GAS7: variants seen among roughly 807,000 people sequenced by gnomAD.
The protein encoded by GAS7 is growth arrest-specific protein 7.
Under a neutral mutation model 71.1 loss-of-function variants are expected in GAS7, and 28 were observed. That is an observed-to-expected ratio of 0.39 (90% CI 0.29 to 0.54). The LOEUF (loss-of-function observed/expected upper bound fraction) is 0.54. Among genes scored for constraint, GAS7 ranks in the 20% least tolerant of loss-of-function variants. The pLI, the probability that GAS7 is intolerant of heterozygous loss-of-function variation, is 0.62. For missense variants in GAS7, 436 were observed against 627.8 expected, an observed-to-expected ratio of 0.69 and a Z score of 3.27; for synonymous variants, 258 against 245.8, an observed-to-expected ratio of 1.05 and a Z score of -0.46.
Position 10,162,066 on chromosome 17 carries a change from C to CAAAAA in GAS7, c.183+36137_183+36141dup, listed in dbSNP as rs58368044. Among the ~76,000 whole-genome samples the CAAAAA allele has an allele frequency of 2.5e-3, 259 of 103,540 alleles. 5 individuals are homozygous for CAAAAA. The highest frequency in any genetic ancestry group is 4.0e-3 in the African/African-American group (105 of 26,060). The allele number at this position is 103,540 out of a possible 152,430, so 67.9% of individuals were successfully genotyped here. A position where few individuals can be genotyped will look rare whatever the true frequency, so the allele number is the denominator to read the frequency against. On this transcript the variant is annotated intron_variant, in intron 1 of 13. Transcript: ENST00000432992. ...TGGGCGACAGAGCAAGACTCCATCT[C>CAAAAA]AAAAAAAAAAAAAAAAAAAAAATCG...
intron 1 of GAS7, among the ~76,000 whole-genome samples, chr17:10,139,964 C>T (rs1043877718): frequency 5.3e-5 from 8 of 152,206 alleles, no homozygotes; most frequent in African/African-American, 1.9e-4. Context: ...CCCACACTAT[C>T]AAAGTCAAAG....
intron 4 of GAS7, among the ~76,000 whole-genome samples, chr17:9,961,200 T>C (rs986922620): frequency 6.6e-6 from 1 of 152,222 alleles, no homozygotes; most frequent in African/African-American, 2.4e-5. Context: ...ACGTCAACTT[T>C]ATGGCCAACT....
intron 1 of GAS7, among the ~76,000 whole-genome samples, chr17:10,055,203 G>T (rs1405180368): frequency 6.6e-6 from 1 of 152,200 alleles, no homozygotes; most frequent in Non-Finnish European, 1.5e-5. Flanking sequence ...GCAGAGAGAT[G>T]CCCATGGGTA....
chr17:9,952,195 C>G (rs1597525292), intron 5 of GAS7, among the ~76,000 whole-genome samples: 1 of 152,254 alleles, frequency 6.6e-6, no homozygotes, highest in East Asian at 1.9e-4. Context: ...TGGATGGGGT[C>G]TGAGCTCTCA....
intron 11 of GAS7, among the ~76,000 whole-genome samples, chr17:9,921,506 T>A (rs1265150675): frequency 2.0e-5 from 3 of 152,150 alleles, no homozygotes; most frequent in Admixed American, 2.0e-4. Flanking sequence ...CTGAGCCCTG[T>A]GTGTCAATGC....
intron 2 of GAS7, among the ~76,000 whole-genome samples, chr17:10,012,858 C>T (rs1306824487): frequency 1.3e-5 from 2 of 152,032 alleles, no homozygotes; most frequent in African/African-American, 4.8e-5. Flanking sequence ...ATCCCAGCAC[C>T]TTGGGAGGCC....
intron 1 of GAS7, among the ~76,000 whole-genome samples, chr17:10,032,693 G>A (rs576035706): frequency 5.9e-5 from 9 of 152,324 alleles, no homozygotes; most frequent in African/African-American, 9.6e-5. Context: ...CAAAAGAGAC[G>A]ACAGAGGCCT....
chr17:10,110,783 G>A (rs2073804350), intron 1 of GAS7, among the ~76,000 whole-genome samples: 1 of 152,094 alleles, frequency 6.6e-6, no homozygotes, highest in Non-Finnish European at 1.5e-5. Flanking sequence ...GAAGATACAA[G>A]TTCTAAAGTT....
intron 2 of GAS7, among the ~76,000 whole-genome samples, chr17:9,998,722 A>AGGGAAGGGAAGGGAAGG (rs2071147492): frequency 6.6e-6 from 1 of 152,146 alleles, no homozygotes; most frequent in East Asian, 1.9e-4. Flanking sequence ...GGGAAGGAAA[A>AGGGAAGGGAAGGGAAGG]GAAGTAGCAT....
At chr17:10,119,110 G>A (rs147891450) in intron 1 of GAS7, among the ~76,000 whole-genome samples, 2 of 152,252 alleles carry the variant, frequency 1.3e-5, no homozygotes, top group African/African-American at 2.4e-5. Flanking sequence ...CTGGAGTGAC[G>A]GCTCCAGCAT....
intron 1 of GAS7, among the ~76,000 whole-genome samples, chr17:10,053,763 C>T (rs183955873): frequency 3.2e-4 from 48 of 152,332 alleles, no homozygotes; most frequent in African/African-American, 9.6e-4. Flanking sequence ...CAGTGAGATC[C>T]TTAACTCCTC....
In GAS7 at chr17:10,145,529, C is replaced by T. The variant is rs2074114916; in HGVS notation, c.183+52679G>A. 2.0e-5 allele frequency among the ~76,000 whole-genome samples: 3 copies of T among 152,210 alleles called. No homozygotes were observed. In the South Asian group the frequency reaches 6.2e-4, roughly 31 times the overall value. On this transcript the variant is annotated intron_variant, in intron 1 of 13. Coordinates refer to ENST00000432992, the MANE Select transcript of GAS7 (RefSeq NM_201433.2). ...CCAGGCCCTGGTGGCCTGTCCTGGG[C>T]AACATTGAGGATAAACAGCACTCAG...
At chr17:10,158,348 A>ACAAAAAAC (rs373784257) in intron 1 of GAS7, among the ~76,000 whole-genome samples, 27,391 of 146,096 alleles carry the variant, frequency 0.19, 2,725 homozygotes, top group African/African-American at 0.23. Context: ...AAAAAAAAAA[A>ACAAAAAAC]AAAAAAAAAA....
intron 9 of GAS7, among the ~76,000 whole-genome samples, chr17:9,927,847 C>G (rs1811912178): frequency 6.6e-6 from 1 of 152,136 alleles, no homozygotes; most frequent in Non-Finnish European, 1.5e-5. Flanking sequence ...GCTGGAAACT[C>G]ACAAGGGCAA....
In GAS7 at chr17:9,926,698, G is replaced by T. The variant is rs767984098; in HGVS notation, c.957C>A (p.Asp319Glu). ...GCTTGCGAAGGTCGGCAATGTGGTG[G>T]TCGCACTTCTTCATGTCTTTCTTGA... Reference protein sequence around the residue: ...ENFKKDMKKCDHHIADLRKQL... With the variant: ...ENFKKDMKKCEHHIADLRKQL... Residue 319 changes from aspartate (D) to glutamate (E), a missense_variant, in exon 10 of 14, where the codon GAC becomes GAA. Physicochemically the swap from Asp to Glu is conservative, Grantham distance 45. Coordinates refer to ENST00000432992, the MANE Select transcript of GAS7 (RefSeq NM_201433.2). The surrounding 1 kb of genome is among the most constrained non-coding windows in gnomAD (Gnocchi z 5.0). The T allele has an allele frequency of 6.2e-6, 10 of 1,614,022 alleles. No homozygotes were observed. Among genetic ancestry groups the T allele is most frequent in the South Asian group, 1.1e-5 (1 of 91,088 alleles).
chr17:9,977,832 T>C (rs1367272475), intron 3 of GAS7, among the ~76,000 whole-genome samples: 1 of 152,170 alleles, frequency 6.6e-6, no homozygotes, highest in East Asian at 1.9e-4. Context: ...TGCTTACCAG[T>C]ATCCAACAAA....
intron 2 of GAS7, among the ~76,000 whole-genome samples, chr17:9,999,635 G>A (rs1032922658): frequency 6.6e-6 from 1 of 152,188 alleles, no homozygotes; most frequent in Non-Finnish European, 1.5e-5. Context: ...TCTCAGGTGT[G>A]GCCACAAAGC....
intron 1 of GAS7, among the ~76,000 whole-genome samples, chr17:10,155,402 G>T (rs2074198450): frequency 6.6e-6 from 1 of 152,098 alleles, no homozygotes; most frequent in Admixed American, 6.6e-5. Context: ...TCTTCCTTCT[G>T]ATAGCCATGT....
At chr17:9,921,263 T>C (rs546067279) in intron 11 of GAS7, among the ~76,000 whole-genome samples, 7 of 151,902 alleles carry the variant, frequency 4.6e-5, no homozygotes, top group African/African-American at 1.7e-4. Flanking sequence ...TTCAAGTGAT[T>C]CTTCTGCCTC....
Sources: allele counts gnomAD v4.1 joint callset (sites outside exome capture counted in the v4.1 genomes callset), GRCh38; gene constraint gnomAD v4.1.1; non-coding constraint Gnocchi (gnomAD v3.1); transcripts MANE v1.5; gene names NCBI Gene and HGNC (gene_info 2026-07-23, HGNC 2026-07-21).